Variants in TBCK observed in about 807,000 individuals in gnomAD.
TBCK encodes TBC1 domain containing kinase, also known as TBC domain-containing protein kinase-like protein.
In TBCK, 99 loss-of-function variants were observed where a neutral mutation model predicts 113.4. The observed-to-expected ratio is 0.87, with a 90% CI of 0.74 to 1.03. TBCK has a LOEUF of 1.03. Ranked by LOEUF, TBCK falls within the 50% of genes least tolerant of loss-of-function variation. TBCK has a pLI of 0.00. For synonymous variants in TBCK, 369 were observed against 370.8 expected (o/e 1.00, Z 0.05); for missense variants, 1,045 against 1,061.3 (o/e 0.98, Z 0.21).
chr4:106,193,824 CAAT>C, intron 21 of TBCK, 54 bp from the exon 22 acceptor site: 1 of 1,196,316 alleles, frequency 8.4e-7, no homozygotes, highest in Non-Finnish European at 1.1e-6. Flanking sequence ...ACAATTAAAA[CAAT>C]AACAACTTAC....
Position 106,103,528 on chromosome 4 carries a change from T to C in TBCK, c.2412-7887A>G, listed in dbSNP as rs573889728. Reference sequence around the variant, plus strand: ...AAATTTAGAAGCACAAGACTGGCTCTGCAATTACTAGTTATATGGCCTTGG... The same window carrying C: ...AAATTTAGAAGCACAAGACTGGCTCCGCAATTACTAGTTATATGGCCTTGG... On this transcript the variant is annotated intron_variant, in intron 24 of 25. Coordinates refer to ENST00000394708, the MANE Select transcript of TBCK (RefSeq NM_001163435.3). Among the ~76,000 whole-genome samples, 4 of 152,372 alleles carry C rather than the reference T, an allele frequency of 2.6e-5. No homozygotes were observed. The East Asian group carries it at 7.7e-4, about 29-fold the overall frequency.
chr4:106,134,377 T>C (rs1746323545), intron 23 of TBCK, among the ~76,000 whole-genome samples: 1 of 152,122 alleles, frequency 6.6e-6, no homozygotes, highest in African/African-American at 2.4e-5. Context: ...TATAAAAGCA[T>C]GCTGAGTGAT....
At chr4:106,264,830 G>T (rs551061695) in intron 3 of TBCK, among the ~76,000 whole-genome samples, 1 of 151,856 alleles carries the variant, frequency 6.6e-6, no homozygotes. Flanking sequence ...CATACAGAGA[G>T]CATGAGTAGA....
At position 106,289,792 on chromosome 4, in the gene TBCK, G is replaced by T. The variant is rs574773928; in HGVS notation, c.266+5302C>A. ...CAAAAAAAAAAAAGAAAAAAAAAAA[G>T]ACGATTGATGTATTATCAGATATGA... On this transcript the variant is annotated intron_variant, in intron 3 of 25. Transcript: ENST00000394708. Among the ~76,000 whole-genome samples, 44 of 145,948 alleles carry T rather than the reference G, an allele frequency of 3.0e-4. 1 individual carries two copies. In the South Asian group the frequency reaches 9.2e-3, roughly 30 times the overall value.
intron 17 of TBCK, among the ~76,000 whole-genome samples, chr4:106,232,298 T>C (rs1370821229): frequency 6.6e-6 from 1 of 151,796 alleles, no homozygotes; most frequent in Admixed American, 6.6e-5. Context: ...CTACAACTGT[T>C]AGGAGGATAT....
chr4:106,119,896 GA>G (rs949679793), intron 23 of TBCK, among the ~76,000 whole-genome samples: 1 of 150,470 alleles, frequency 6.6e-6, no homozygotes, highest in Non-Finnish European at 1.5e-5. Flanking sequence ...AAGGTACATG[GA>G]AAAAAAAATG....
intron 22 of TBCK, among the ~76,000 whole-genome samples, chr4:106,171,997 A>T (rs555081991): frequency 6.6e-6 from 1 of 151,924 alleles, no homozygotes; most frequent in Non-Finnish European, 1.5e-5. Context: ...CACCCGGCTA[A>T]TTTTTTGTAT....
intron 5 of TBCK, among the ~76,000 whole-genome samples, chr4:106,258,788 A>G (rs1193535670): frequency 2.0e-5 from 3 of 151,868 alleles, no homozygotes; most frequent in African/African-American, 4.8e-5. Context: ...GGCATTTATC[A>G]TACATGACAA....
Position 106,262,228 on chromosome 4 carries a change from A to C in TBCK, c.267-16T>G, listed in dbSNP as rs1762573664. 1 of 1,408,718 alleles carries C rather than the reference A, an allele frequency of 7.1e-7. No individual in the cohort carries two copies. Among genetic ancestry groups the C allele is most frequent in the Admixed American group, 2.1e-5 (1 of 48,144 alleles). The allele number at this position is 1,408,718 out of a possible 1,614,324, so 87.3% of individuals were successfully genotyped here. A position where few individuals can be genotyped will look rare whatever the true frequency, so the allele number is the denominator to read the frequency against. On this transcript the variant is annotated splice_polypyrimidine_tract_variant and intron_variant, in intron 3 of 25. Transcript: ENST00000394708. ...CGTTGAACAGCTACAAAGAAAACAA[A>C]AAGTCAAAGATCAATTACAAAGCAA...
intron 25 of TBCK, among the ~76,000 whole-genome samples, chr4:106,093,938 T>C (rs1044187397): frequency 2.0e-5 from 3 of 152,204 alleles, no homozygotes; most frequent in African/African-American, 7.2e-5. Context: ...GAAGGTTCAT[T>C]AGTTGTAACA....
At chr4:106,287,989 TA>T (rs1250903836) in intron 3 of TBCK, among the ~76,000 whole-genome samples, 2 of 151,294 alleles carry the variant, frequency 1.3e-5, no homozygotes, top group African/African-American at 4.9e-5. Flanking sequence ...CTCTTTCTTC[TA>T]AAAACCAAAA....
intron 25 of TBCK, among the ~76,000 whole-genome samples, chr4:106,087,737 G>A (rs140099298): frequency 1.4e-4 from 22 of 152,150 alleles, no homozygotes; most frequent in African/African-American, 4.3e-4. Flanking sequence ...ATAGACCAAC[G>A]GAGCAGGACC....
At chr4:106,303,860 G>A (rs1330266156) in intron 2 of TBCK, among the ~76,000 whole-genome samples, 4 of 152,120 alleles carry the variant, frequency 2.6e-5, no homozygotes, top group African/African-American at 9.7e-5. Context: ...AGCAGTAAGG[G>A]TTTTCGTGTC....
intron 5 of TBCK, among the ~76,000 whole-genome samples, chr4:106,256,053 C>T (rs1255425816): frequency 6.6e-6 from 1 of 152,182 alleles, no homozygotes; most frequent in Non-Finnish European, 1.5e-5. Context: ...GGCCATCCAT[C>T]ATCTGCTCAA....
rs1035876160 is a variant in TBCK, at chr4:106,116,503, TCA to T, written c.2236-127_2236-126del. On this transcript the variant is annotated intron_variant, in intron 23 of 25. Coordinates refer to ENST00000394708, the MANE Select transcript of TBCK (RefSeq NM_001163435.3). Reference sequence around the variant, plus strand: ...AAGAGAAGAGGAAACTATCTAATTTTCACAGTCTATTGTGTAATTCAGTGGTC... The same window carrying T: ...AAGAGAAGAGGAAACTATCTAATTTTCAGTCTATTGTGTAATTCAGTGGTC... The T allele has an allele frequency of 4.4e-5, 36 of 817,208 alleles. No homozygotes were observed. In the Admixed American group the frequency reaches 9.7e-4, roughly 22 times the overall value. The allele number at this position is 817,208 out of a possible 1,614,324, so 50.6% of individuals were successfully genotyped here. A position where few individuals can be genotyped will look rare whatever the true frequency, so the allele number is the denominator to read the frequency against.
intron 3 of TBCK, among the ~76,000 whole-genome samples, chr4:106,289,222 C>T (rs1765423268): frequency 6.6e-6 from 1 of 152,118 alleles, no homozygotes; most frequent in Non-Finnish European, 1.5e-5. Flanking sequence ...TGGATAAATA[C>T]CTAGACAGAG....
intron 20 of TBCK, among the ~76,000 whole-genome samples, chr4:106,200,607 C>CT (rs1024035315): frequency 2.8e-4 from 41 of 148,862 alleles, no homozygotes; most frequent in East Asian, 2.2e-3. Context: ...TCTGCTTTAG[C>CT]TTTTTTTTTT....
intron 25 of TBCK, among the ~76,000 whole-genome samples, chr4:106,061,637 G>A (rs867969000): frequency 4.6e-5 from 7 of 150,804 alleles, no homozygotes; most frequent in Admixed American, 1.3e-4. Context: ...TGAATTTGCA[G>A]TATCTTTGAG....
Position 106,193,748 on chromosome 4 carries a change from A to T in TBCK, c.1920T>A (p.Ile640=). 6.3e-7 allele frequency: 1 copy of T among 1,582,070 alleles called. No homozygotes were observed. The highest frequency in any genetic ancestry group is 8.5e-7 in the Non-Finnish European group (1 of 1,169,618). The change falls in exon 22 of 26, where the codon ATT becomes ATA. Residue 640 remains isoleucine, a synonymous_variant. Transcript: ENST00000394708. ...MFTHVFPLHK[I]FHLWDTLLLG... ...GTAGTAAGGTATCCCAGAGGTGGAA[A>T]ATTTTGTGTAGTGGAAATACATCTG...
Sources: allele counts gnomAD v4.1 joint callset (sites outside exome capture counted in the v4.1 genomes callset), GRCh38; gene constraint gnomAD v4.1.1; transcripts MANE v1.5; gene names NCBI Gene and HGNC (gene_info 2026-07-23, HGNC 2026-07-21).